PCLO: variants seen among roughly 807,000 people sequenced by gnomAD.
The protein encoded by PCLO is protein piccolo.
PCLO carries 82 observed loss-of-function variants against 427.5 expected under a neutral mutation model. That is an observed-to-expected ratio of 0.19 (90% CI 0.16 to 0.23). The LOEUF (loss-of-function observed/expected upper bound fraction) is 0.23, where lower values mean the gene tolerates loss of function less well. PCLO is among the 10% of genes least tolerant of loss of function. The probability of loss-of-function intolerance (pLI) is 1.00; values close to 1 mark genes in which losing one functional copy is unlikely to be tolerated. For synonymous variants in PCLO, 2,357 were observed against 2,155.4 expected, an observed-to-expected ratio of 1.09 and a Z score of -2.59; for missense variants, 6,239 against 6,115.9, an observed-to-expected ratio of 1.02 and a Z score of -0.67.
chr7:82,880,978 T>C (rs1793492389), intron 9 of PCLO, among the ~76,000 whole-genome samples: 1 of 152,192 alleles, frequency 6.6e-6, no homozygotes. Context: ...TCCTTCTATT[T>C]GAATATCTTT....
chr7:82,847,010 C>T, intron 11 of PCLO, 129 bp downstream of exon 11: 1 of 606,418 alleles, frequency 1.6e-6, no homozygotes, highest in Non-Finnish European at 2.9e-6. Flanking sequence ...ATGCTTTAGG[C>T]TTTGATTCAC....
intron 20 of PCLO, among the ~76,000 whole-genome samples, chr7:82,815,625 G>A (rs1055226001): frequency 1.4e-4 from 21 of 151,988 alleles, no homozygotes; most frequent in Middle Eastern, 3.4e-3. Flanking sequence ...AGAACAATAT[G>A]GTAGAAATTA....
chr7:83,113,615 G>C (rs535369085), intron 3 of PCLO, among the ~76,000 whole-genome samples: 1 of 152,176 alleles, frequency 6.6e-6, no homozygotes, highest in Middle Eastern at 3.4e-3. Flanking sequence ...ATAACATATA[G>C]GATTAATTCA....
At chr7:82,937,968 T>C (rs1794995987) in intron 6 of PCLO, among the ~76,000 whole-genome samples, 1 of 151,844 alleles carries the variant, frequency 6.6e-6, no homozygotes, top group Non-Finnish European at 1.5e-5. Context: ...GTATTTTGAG[T>C]TACAGAGCCC....
chr7:82,908,605 T>G (rs2116228561), intron 8 of PCLO, among the ~76,000 whole-genome samples: 1 of 152,198 alleles, frequency 6.6e-6, no homozygotes, highest in South Asian at 2.1e-4. Context: ...ATTCTTCTTG[T>G]ATAGCTGTGC....
intron 10 of PCLO, among the ~76,000 whole-genome samples, chr7:82,876,411 T>C (rs1477935886): frequency 2.0e-5 from 3 of 150,652 alleles, no homozygotes; most frequent in African/African-American, 7.4e-5. Context: ...GGATGAAGGA[T>C]ATAGTGTATA....
chr7:82,759,725 T>C (rs1190970581), intron 24 of PCLO, among the ~76,000 whole-genome samples: 2 of 151,980 alleles, frequency 1.3e-5, no homozygotes, highest in Non-Finnish European at 1.5e-5. Context: ...CCATGGTCTC[T>C]TCCTATATTT....
At chr7:82,861,905 A>T (rs534459099) in intron 10 of PCLO, among the ~76,000 whole-genome samples, 11 of 152,160 alleles carry the variant, frequency 7.2e-5, no homozygotes, top group Admixed American at 2.0e-4. Context: ...TAGAAATTGT[A>T]AAATTTCTTG....
intron 3 of PCLO, among the ~76,000 whole-genome samples, chr7:82,994,194 T>A (rs1178371594): frequency 6.6e-6 from 1 of 152,074 alleles, no homozygotes; most frequent in Non-Finnish European, 1.5e-5. Context: ...AAAATATTAA[T>A]CATTCAATAA....
At chr7:82,795,478 T>C (rs1467597432) in intron 22 of PCLO, among the ~76,000 whole-genome samples, 1 of 152,166 alleles carries the variant, frequency 6.6e-6, no homozygotes, top group African/African-American at 2.4e-5. Flanking sequence ...CCAAACCAAT[T>C]AAGATAGTCT....
At chr7:82,976,564 ATTG>A (rs141333794) in intron 3 of PCLO, among the ~76,000 whole-genome samples, 1,814 of 152,290 alleles carry the variant, frequency 0.012, 35 homozygotes, top group African/African-American at 0.042. Context: ...TTTATCCATG[ATTG>A]TTGGTGTGTA....
rs747007146 is a variant in PCLO, at chr7:82,915,266, G to A, written c.12720C>T (p.Asp4240=). 7 of 1,613,430 alleles carry A rather than the reference G, an allele frequency of 4.3e-6. No individual in the cohort carries two copies. In the African/African-American group the frequency reaches 6.7e-5, roughly 15 times the overall value. ...ISSRARLLQD[D]ITFGLRKNIT... ...TATTTTTTCTGAGGCCAAAAGTGAT[G>A]TCATCTTGAAGGAGCCTTGCCCTGG... is the stretch of plus-strand genomic sequence containing the variant. Residue 4240 remains aspartate (D), a synonymous_variant, in exon 7 of 25, where the codon GAC becomes GAT. Transcript: ENST00000333891.
chr7:82,768,021 G>A (rs1307108919), intron 22 of PCLO, among the ~76,000 whole-genome samples: 1 of 152,012 alleles, frequency 6.6e-6, no homozygotes, highest in East Asian at 1.9e-4. Flanking sequence ...AGGGAGGGAG[G>A]AGGAACTTGA....
Position 82,809,281 on chromosome 7 carries a change from A to G in PCLO, c.14792-3452T>C, listed in dbSNP as rs1036949109. 6.6e-5 allele frequency among the ~76,000 whole-genome samples: 10 copies of G among 151,948 alleles called. No individual in the cohort carries two copies. In the East Asian group the frequency reaches 1.2e-3, roughly 18 times the overall value. On this transcript the variant is annotated intron_variant, in intron 20 of 24. Coordinates refer to ENST00000333891, the MANE Select transcript of PCLO (RefSeq NM_033026.6). Reference sequence around the variant, plus strand: ...AATATATCTCTTGTAATTCTCCTTCAAACACTTTACATGGAAGCCCTCTCA... The same window carrying G: ...AATATATCTCTTGTAATTCTCCTTCGAACACTTTACATGGAAGCCCTCTCA...
intron 3 of PCLO, among the ~76,000 whole-genome samples, chr7:82,990,536 A>G (rs377749067): frequency 1.3e-5 from 2 of 152,182 alleles, no homozygotes; most frequent in East Asian, 3.8e-4. Context: ...GACTCAAAAT[A>G]GAACTTGAGT....
At chr7:83,033,621 T>C (rs1257250286) in intron 3 of PCLO, among the ~76,000 whole-genome samples, 2 of 152,190 alleles carry the variant, frequency 1.3e-5, no homozygotes, top group Non-Finnish European at 2.9e-5. Flanking sequence ...ATTAGTGCAA[T>C]CTTTCTTCCT....
At chr7:83,159,056 A>G (rs1333651634) in intron 1 of PCLO, among the ~76,000 whole-genome samples, 1 of 152,132 alleles carries the variant, frequency 6.6e-6, no homozygotes, top group Non-Finnish European at 1.5e-5. Context: ...TATTTCACTT[A>G]TCTTTGCATC....
chr7:82,959,535 C>T (rs1043026743), intron 4 of PCLO, among the ~76,000 whole-genome samples: 1 of 152,142 alleles, frequency 6.6e-6, no homozygotes, highest in Admixed American at 6.6e-5. Flanking sequence ...TTATACAAAA[C>T]AGATTAGGAC....
intron 3 of PCLO, among the ~76,000 whole-genome samples, chr7:83,009,673 T>G (rs10435450): frequency 0.26 from 39,904 of 151,622 alleles, 6,639 homozygotes; most frequent in East Asian, 0.59. Context: ...GGAATGGAAA[T>G]AATATAAATT....
Sources: gnomAD v4.1 joint callset for allele counts (sites outside exome capture counted in the v4.1 genomes callset) on GRCh38, gnomAD v4.1.1 for gene constraint, MANE v1.5 for transcripts, NCBI Gene and HGNC (gene_info 2026-07-23, HGNC 2026-07-21) for gene names.